Variants in KCNQ3 observed in about 807,000 individuals in gnomAD.
The protein encoded by KCNQ3 is potassium voltage-gated channel subfamily KQT member 3.
KCNQ3 carries 30 observed loss-of-function variants against 92.5 expected under a neutral mutation model. The ratio of observed to expected loss-of-function variants is 0.32; its 90% CI spans 0.24 to 0.44. The LOEUF (loss-of-function observed/expected upper bound fraction) is 0.44. Ranked by LOEUF, KCNQ3 falls within the 20% of genes least tolerant of loss-of-function variation. The probability of loss-of-function intolerance (pLI) is 1.00; values close to 1 mark genes in which losing one functional copy is unlikely to be tolerated. For synonymous variants in KCNQ3, 450 were observed against 468.8 expected (o/e 0.96, Z 0.52); for missense variants, 913 against 1,140.3 (o/e 0.80, Z 2.87).
At chr8:132,262,053 C>T (rs1244306162) in intron 1 of KCNQ3, among the ~76,000 whole-genome samples, 3 of 152,126 alleles carry the variant, frequency 2.0e-5, no homozygotes. Context: ...CTGATACATG[C>T]TACAATGTGG....
chr8:132,373,326 C>T (rs1335644958), intron 1 of KCNQ3, among the ~76,000 whole-genome samples: 1 of 152,144 alleles, frequency 6.6e-6, no homozygotes, highest in African/African-American at 2.4e-5. Flanking sequence ...AATAATAAAA[C>T]ACCTAACACG....
intron 9 of KCNQ3, among the ~76,000 whole-genome samples, chr8:132,148,361 G>A (rs1036990885): frequency 2.4e-4 from 36 of 152,054 alleles, no homozygotes; most frequent in Non-Finnish European, 4.4e-4. Context: ...TCAGCCTCCC[G>A]AGTAGCTGGG....
At chr8:132,256,897 T>C (rs1188303262) in intron 1 of KCNQ3, among the ~76,000 whole-genome samples, 2 of 152,300 alleles carry the variant, frequency 1.3e-5, no homozygotes, top group East Asian at 3.9e-4. Flanking sequence ...GAAAGGAAAT[T>C]AGACAGTAAA....
intron 1 of KCNQ3, among the ~76,000 whole-genome samples, chr8:132,247,496 T>A (rs905690989): frequency 1.3e-5 from 2 of 152,040 alleles, no homozygotes; most frequent in Non-Finnish European, 2.9e-5. Flanking sequence ...TATTAAAAAC[T>A]GAGAATATGG....
intron 1 of KCNQ3, among the ~76,000 whole-genome samples, chr8:132,477,834 G>A (rs966354106): frequency 1.6e-4 from 25 of 152,128 alleles, no homozygotes; most frequent in African/African-American, 4.8e-4. Flanking sequence ...ACCCAGTGAC[G>A]CTCAGCAAAA....
chr8:132,252,241 C>A (rs1044106080), intron 1 of KCNQ3, among the ~76,000 whole-genome samples: 1 of 152,184 alleles, frequency 6.6e-6, no homozygotes, highest in Non-Finnish European at 1.5e-5. Flanking sequence ...GTGAGTGCTA[C>A]AGTTCTTAAA....
intron 1 of KCNQ3, among the ~76,000 whole-genome samples, chr8:132,197,783 T>C (rs980558171): frequency 3.3e-5 from 5 of 152,206 alleles, no homozygotes; most frequent in African/African-American, 1.2e-4. Context: ...AAGCATTTTA[T>C]TAAACATCCA....
chr8:132,362,177 C>T (rs965054579), intron 1 of KCNQ3, among the ~76,000 whole-genome samples: 16 of 151,898 alleles, frequency 1.1e-4, no homozygotes, highest in Non-Finnish European at 2.4e-4. Flanking sequence ...ATTTATTTTA[C>T]AATATTTCAA....
intron 1 of KCNQ3, among the ~76,000 whole-genome samples, chr8:132,412,118 C>A (rs1488750320): frequency 6.6e-6 from 1 of 152,190 alleles, no homozygotes; most frequent in Non-Finnish European, 1.5e-5. Context: ...GCTTGGCACC[C>A]CACAGGGCAT....
chr8:132,381,439 A>C (rs2130755281), intron 1 of KCNQ3, among the ~76,000 whole-genome samples: 1 of 152,328 alleles, frequency 6.6e-6, no homozygotes, highest in East Asian at 1.9e-4. Flanking sequence ...GCCCTTCCCA[A>C]ACAAGAGCTG....
At chr8:132,193,939 A>T (rs538510009) in intron 1 of KCNQ3, among the ~76,000 whole-genome samples, 1 of 152,290 alleles carries the variant, frequency 6.6e-6, no homozygotes, top group African/African-American at 2.4e-5. Context: ...TTCAGCTGGG[A>T]GAAGTAAATG....
In KCNQ3 at chr8:132,127,190, A is replaced by G. The variant is rs937578115; in HGVS notation, c.*2072T>C. ...ATAACCCATGCCCTTTGTCCTTCAG[A>G]TTGCCAGCATGTCAAATGGAAGCCC... is the stretch of plus-strand genomic sequence containing the variant. On this transcript the variant is annotated 3_prime_UTR_variant, in exon 15 of 15. Transcript: ENST00000388996. The G allele has an allele frequency of 6.6e-6, 1 of 152,184 alleles. No homozygotes were observed. Among genetic ancestry groups the G allele is most frequent in the African/African-American group, 2.4e-5 (1 of 41,436 alleles). 9.4% of individuals were successfully genotyped at this position (152,184 alleles called of 1,614,324 possible).
chr8:132,331,100 C>T (rs1818214903), intron 1 of KCNQ3, among the ~76,000 whole-genome samples: 1 of 152,174 alleles, frequency 6.6e-6, no homozygotes. Context: ...ATTGCTAACA[C>T]TCATGGAGCA....
intron 1 of KCNQ3, among the ~76,000 whole-genome samples, chr8:132,392,079 G>A (rs1012398236): frequency 6.6e-6 from 1 of 152,158 alleles, no homozygotes; most frequent in African/African-American, 2.4e-5. Context: ...TACCAAGTCT[G>A]TGCCTTTTAA....
intron 1 of KCNQ3, among the ~76,000 whole-genome samples, chr8:132,388,041 GGAAGAA>G (rs200297014): frequency 1.5e-5 from 2 of 135,196 alleles, no homozygotes; most frequent in Admixed American, 7.1e-5. Context: ...AAGAGGAAGA[GGAAGAA>G]GAAGAAGAAG....
At chr8:132,303,567 T>C (rs751963135) in intron 1 of KCNQ3, among the ~76,000 whole-genome samples, 4 of 61,804 alleles carry the variant, frequency 6.5e-5, no homozygotes, top group Admixed American at 2.3e-4. Flanking sequence ...GAAAATGTGA[T>C]ATATATATAT....
chr8:132,203,513 C>T (rs150900423), intron 1 of KCNQ3, among the ~76,000 whole-genome samples: 1 of 152,312 alleles, frequency 6.6e-6, no homozygotes, highest in African/African-American at 2.4e-5. Context: ...TACTGGCAGG[C>T]AGTCGTGACT....
At chr8:132,165,644 C>T (rs1177039515) in intron 8 of KCNQ3, among the ~76,000 whole-genome samples, 1 of 152,180 alleles carries the variant, frequency 6.6e-6, no homozygotes, top group East Asian at 1.9e-4. Context: ...TCTTATTATC[C>T]AAACAACCCT....
chr8:132,160,890 T>C (rs1222298559), intron 9 of KCNQ3, among the ~76,000 whole-genome samples: 1 of 152,166 alleles, frequency 6.6e-6, no homozygotes, highest in Admixed American at 6.5e-5. Flanking sequence ...ATATGCTTTA[T>C]TAGGGAAGTT....
Sources: gnomAD v4.1 joint callset for allele counts (sites outside exome capture counted in the v4.1 genomes callset) on GRCh38, gnomAD v4.1.1 for gene constraint, MANE v1.5 for transcripts, NCBI Gene and HGNC (gene_info 2026-07-23, HGNC 2026-07-21) for gene names.